LRRC3B: variants seen among roughly 807,000 people sequenced by gnomAD.
LRRC3B encodes leucine rich repeat containing 3B.
In LRRC3B, 2 loss-of-function variants were observed where a neutral mutation model predicts 12.8. The ratio of observed to expected loss-of-function variants is 0.16; its 90% CI spans 0.06 to 0.49. LRRC3B has a LOEUF of 0.49. Among genes scored for constraint, LRRC3B ranks in the 20% least tolerant of loss-of-function variants. The pLI, the probability that LRRC3B is intolerant of heterozygous loss-of-function variation, is 0.96. For synonymous variants in LRRC3B, 132 were observed against 122.0 expected, an observed-to-expected ratio of 1.08 and a Z score of -0.54; for missense variants, 189 against 319.4, an observed-to-expected ratio of 0.59 and a Z score of 3.11.
At chr3:26,670,287 C>G (rs1699693389) in intron 1 of LRRC3B, among the ~76,000 whole-genome samples, 1 of 152,182 alleles carries the variant, frequency 6.6e-6, no homozygotes. Context: ...AGAATACAGA[C>G]AGACACATTA....
chr3:26,707,099 T>A (rs1700610803), intron 1 of LRRC3B, among the ~76,000 whole-genome samples: 2 of 151,570 alleles, frequency 1.3e-5, no homozygotes, highest in Non-Finnish European at 2.9e-5. Flanking sequence ...ATACCTGTAA[T>A]CCTAGCACTT....
chr3:26,623,359 T>G (rs1698553056), intron 1 of LRRC3B, 122 bp downstream of exon 1: 1 of 152,316 alleles, frequency 6.6e-6, no homozygotes, highest in Non-Finnish European at 1.5e-5. Flanking sequence ...AAGCCGTGCC[T>G]GTCTAAGCCT....
intron 1 of LRRC3B, among the ~76,000 whole-genome samples, chr3:26,648,049 G>A (rs1017643700): frequency 6.6e-6 from 1 of 151,644 alleles, no homozygotes; most frequent in African/African-American, 2.4e-5. Context: ...TGAGGAAGGA[G>A]TACATCTTGC....
chr3:26,623,924 G>C (rs1698563563), intron 1 of LRRC3B: 1 of 152,602 alleles, frequency 6.6e-6, no homozygotes, highest in East Asian at 1.9e-4. Flanking sequence ...GGAGGAAGCT[G>C]AGGGTCGGGT....
intron 1 of LRRC3B, among the ~76,000 whole-genome samples, chr3:26,646,622 A>C (rs1197313772): frequency 1.2e-4 from 13 of 107,920 alleles, no homozygotes; most frequent in East Asian, 4.6e-4. Flanking sequence ...AAAAAAAAAA[A>C]AAAAAAAAAA....
chr3:26,681,377 C>T (rs1455105772), intron 1 of LRRC3B, among the ~76,000 whole-genome samples: 2 of 152,156 alleles, frequency 1.3e-5, no homozygotes, highest in Non-Finnish European at 2.9e-5. Context: ...GCACATGCAA[C>T]CTCTCTTCCT....
chr3:26,632,030 T>C lies in LRRC3B; in HGVS notation c.-161+8793T>C, dbSNP rs551487277. On this transcript the variant is annotated intron_variant, in intron 1 of 1. Coordinates refer to ENST00000396641, the Ensembl canonical transcript of LRRC3B. ...TTATATGTTACAGATCCAACAATGA[T>C]AGATGGACACTCTGCAGTCCTGAGG... is the stretch of plus-strand genomic sequence containing the variant. 1.8e-4 allele frequency among the ~76,000 whole-genome samples: 28 copies of C among 152,340 alleles called. No homozygotes were observed. In the East Asian group the frequency reaches 4.8e-3, roughly 26 times the overall value.
At chr3:26,673,237 T>G (rs1194080416) in intron 1 of LRRC3B, among the ~76,000 whole-genome samples, 1 of 152,216 alleles carries the variant, frequency 6.6e-6, no homozygotes, top group Non-Finnish European at 1.5e-5. Context: ...GAACATGCAG[T>G]ATTGAAAACT....
At chr3:26,681,870 T>C (rs1377713339) in intron 1 of LRRC3B, among the ~76,000 whole-genome samples, 1 of 152,198 alleles carries the variant, frequency 6.6e-6, no homozygotes, top group African/African-American at 2.4e-5. Flanking sequence ...CCCCAGCAGA[T>C]GCCTGAAGCC....
chr3:26,689,472 G>A (rs1403386244), intron 1 of LRRC3B, among the ~76,000 whole-genome samples: 1 of 152,168 alleles, frequency 6.6e-6, no homozygotes, highest in East Asian at 1.9e-4. Context: ...GAGAACAGAG[G>A]TGTCATCCTC....
At chr3:26,647,080 C>A (rs1050255856) in intron 1 of LRRC3B, among the ~76,000 whole-genome samples, 1 of 152,110 alleles carries the variant, frequency 6.6e-6, no homozygotes, top group African/African-American at 2.4e-5. Flanking sequence ...ATACCAAGAA[C>A]CTTCCTGTTT....
rs762788262 is a variant in LRRC3B, at chr3:26,671,011, C to CTTTTTTTT, written c.-160-38487_-160-38480dup. ...GGGCACAGTCTACCTTCTCATGTAT[C>CTTTTTTTT]TTTTTTTTTTTTTTTTTTTTTTGAG... On this transcript the variant is annotated intron_variant, in intron 1 of 1. Transcript: ENST00000396641. Among the ~76,000 whole-genome samples, 26 of 95,548 alleles carry CTTTTTTTT rather than the reference C, an allele frequency of 2.7e-4. 1 individual carries two copies. Among genetic ancestry groups the CTTTTTTTT allele is most frequent in the African/African-American group, 1.0e-3 (23 of 22,648 alleles). 62.7% of individuals were successfully genotyped at this position (95,548 alleles called of 152,430 possible). A position where few individuals can be genotyped will look rare whatever the true frequency, so the allele number is the denominator to read the frequency against.
At chr3:26,689,883 T>A (rs2125448238) in intron 1 of LRRC3B, among the ~76,000 whole-genome samples, 1 of 152,258 alleles carries the variant, frequency 6.6e-6, no homozygotes, top group East Asian at 1.9e-4. Context: ...CTCTGTCCAG[T>A]CCTCCCATCT....
chr3:26,694,069 A>G (rs1700250630), intron 1 of LRRC3B, among the ~76,000 whole-genome samples: 1 of 152,220 alleles, frequency 6.6e-6, no homozygotes, highest in African/African-American at 2.4e-5. Flanking sequence ...ATGCAACTTG[A>G]CAGTGATCAA....
chr3:26,641,445 G>A (rs1575119421), intron 1 of LRRC3B, among the ~76,000 whole-genome samples: 1 of 152,198 alleles, frequency 6.6e-6, no homozygotes, highest in East Asian at 1.9e-4. Context: ...TGGCATGTCT[G>A]CCTTCCAGAT....
intron 1 of LRRC3B, among the ~76,000 whole-genome samples, chr3:26,690,470 G>A (rs1032494624): frequency 6.6e-6 from 1 of 152,162 alleles, no homozygotes; most frequent in African/African-American, 2.4e-5. Flanking sequence ...GACAGGGGAA[G>A]TCTTACTGCA....
At chr3:26,689,049 A>G (rs1335038880) in intron 1 of LRRC3B, among the ~76,000 whole-genome samples, 1 of 152,142 alleles carries the variant, frequency 6.6e-6, no homozygotes, top group Non-Finnish European at 1.5e-5. Flanking sequence ...ACAGGTGGAG[A>G]GACCTCAGTG....
chr3:26,666,969 G>A (rs1457066827), intron 1 of LRRC3B, among the ~76,000 whole-genome samples: 1 of 152,048 alleles, frequency 6.6e-6, no homozygotes, highest in African/African-American at 2.4e-5. Context: ...AAAAAGAGCG[G>A]TATTACTAAC....
chr3:26,657,660 C>CA (rs1699402347), intron 1 of LRRC3B, among the ~76,000 whole-genome samples: 1 of 150,352 alleles, frequency 6.7e-6, no homozygotes, highest in Admixed American at 6.7e-5. Context: ...TCCTTTTCCT[C>CA]TTTTTTTTTT....
Sources: allele counts gnomAD v4.1 joint callset (sites outside exome capture counted in the v4.1 genomes callset), GRCh38; gene constraint gnomAD v4.1.1; transcripts MANE v1.5; gene names NCBI Gene and HGNC (gene_info 2026-07-23, HGNC 2026-07-21).